The following MACF1 variants were observed in gnomAD, a reference collection of about 807,000 sequenced individuals.
MACF1 encodes the protein microtubule-actin cross-linking factor 1.
MACF1 carries 193 observed loss-of-function variants against 854.8 expected under a neutral mutation model. That is an observed-to-expected ratio of 0.23 (90% CI 0.20 to 0.25). MACF1 has a LOEUF of 0.25. MACF1 is among the 10% of genes least tolerant of loss of function. The probability of loss-of-function intolerance (pLI) is 1.00; values close to 1 mark genes in which losing one functional copy is unlikely to be tolerated. For synonymous variants in MACF1, 3,185 were observed against 3,226.7 expected (o/e 0.99, Z 0.44); for missense variants, 7,722 against 8,929.1 (o/e 0.86, Z 5.45).
rs1259609996 is a variant in MACF1 at position 39,163,357 on chromosome 1, A to AG, written c.221-67825_221-67824insG. ...GACTGTCTCAAAAAAAAAAAAAAAA[A>AG]AAAGAAAAGAAAAGAAAAAAAGAAA... is the stretch of plus-strand genomic sequence containing the variant. On this transcript the variant is annotated intron_variant, in intron 2 of 93. Coordinates refer to the MACF1 transcript ENST00000361689. Among the ~76,000 whole-genome samples, 39 of 149,496 alleles carry AG rather than the reference A, an allele frequency of 2.6e-4. No individual in the cohort carries two copies. The East Asian group carries it at 4.9e-3, about 19-fold the overall frequency.
In MACF1 at chr1:39,283,210, G is replaced by A. The variant is rs755706017; in HGVS notation, c.717G>A (p.Glu239=). The A allele has an allele frequency of 1.9e-6, 3 of 1,613,306 alleles. No individual in the cohort carries two copies. Among genetic ancestry groups the A allele is most frequent in the Admixed American group, 1.7e-5 (1 of 60,018 alleles). The change falls in exon 8 of 101, where the codon GAG becomes GAA. Residue 239 remains glutamate, a synonymous_variant. Coordinates refer to ENST00000564288, the MANE Select transcript of MACF1 (RefSeq NM_001394062.1). The surrounding 1 kb of genome is among the most constrained non-coding windows in gnomAD (Gnocchi z 4.5). The part of the protein sequence containing the change: ...HRYRPDLVDM[E]RVQIQSNREN... ...ACAGACCCGATCTAGTAGACATGGA[G>A]AGGGTGCAAATCCAAAGTAACCGAG...
chr1:39,241,915 G>A (rs981825806), intron 2 of MACF1, among the ~76,000 whole-genome samples: 2 of 152,126 alleles, frequency 1.3e-5, no homozygotes, highest in East Asian at 1.9e-4. Context: ...TAAACTGAGG[G>A]TATTAGAATT....
At position 39,282,150 on chromosome 1, in the gene MACF1, A is replaced by T; in HGVS notation, c.529-58A>T. 7.0e-6 allele frequency: 11 copies of T among 1,565,192 alleles called. 1 individual carries two copies. Among genetic ancestry groups the T allele is most frequent in the Non-Finnish European group, 9.6e-6 (11 of 1,148,364 alleles). ...AGAGCCATAATGTATGGAGAAGAGA[A>T]GGCTAAAAGACTTTGTCTTATTTAT... On this transcript the variant is annotated intron_variant, in intron 6 of 100. Coordinates refer to ENST00000564288, the MANE Select transcript of MACF1 (RefSeq NM_001394062.1).
chr1:39,123,040 G>A (rs1348771166), intron 2 of MACF1, among the ~76,000 whole-genome samples: 1 of 152,048 alleles, frequency 6.6e-6, no homozygotes, highest in Admixed American at 6.6e-5. Context: ...TCATTTGGGA[G>A]TAGATCTTTT....
chr1:39,258,004 C>A lies in MACF1; in HGVS notation c.504C>A (p.Ile168=). The change falls in exon 6 of 101, where the codon ATC becomes ATA. Residue 168 remains isoleucine (I), a synonymous_variant. Coordinates refer to ENST00000564288, the MANE Select transcript of MACF1 (RefSeq NM_001394062.1). Reference sequence around the variant, plus strand: ...ACCCCAAGTTGACCCTGGGTCTGATCTGGACCATTATTTTGCATTTCCAGG... The same window carrying A: ...ACCCCAAGTTGACCCTGGGTCTGATATGGACCATTATTTTGCATTTCCAGG... The part of the protein sequence containing the change: ...DGNPKLTLGL[I]WTIILHFQIS... 6.2e-7 allele frequency: 1 copy of A among 1,614,076 alleles called. No individual in the cohort carries two copies. Among genetic ancestry groups the A allele is most frequent in the Non-Finnish European group, 8.5e-7 (1 of 1,179,966 alleles).
chr1:39,292,930 G>A (rs1185968874), intron 17 of MACF1, 87 bp downstream of exon 17: 11 of 1,111,798 alleles, frequency 9.9e-6, no homozygotes, highest in Admixed American at 8.0e-5. Context: ...AAATCTCCTG[G>A]TTTGGCCCTG....
Position 39,334,439 on chromosome 1 carries a change from C to T in MACF1, c.7851C>T (p.Gly2617=), listed in dbSNP as rs1374119221. The change falls in exon 37 of 101, where the codon GGC becomes GGT. Residue 2617 remains glycine (G), a synonymous_variant. Transcript: ENST00000564288. ...TATTGTCTCCAGGAATGATGCATGG[C>T]ATTGTAGATCCCGAGAACTGCAGAA... ...EAVLSPGMMH[G]IVDPENCRIV... 1 of 1,614,024 alleles carries T rather than the reference C, an allele frequency of 6.2e-7. No homozygotes were observed. Among genetic ancestry groups the T allele is most frequent in the Admixed American group, 1.7e-5 (1 of 60,006 alleles).
rs531424784 is a variant in MACF1 at position 39,442,468 on chromosome 1, A to G, written c.19005A>G (p.Glu6335=). ...ALGQFQHALE[E]LMSWLTHTEE... ...GTCAGTTCCAGCATGCCTTAGAGGA[A>G]CTAATGAGTTGGCTGACTCATACCG... The change falls in exon 77 of 101, where the codon GAA becomes GAG. Residue 6335 remains glutamate, a synonymous_variant. Coordinates refer to ENST00000564288, the MANE Select transcript of MACF1 (RefSeq NM_001394062.1). The G allele has an allele frequency of 6.2e-7, 1 of 1,614,200 alleles. No individual in the cohort carries two copies. The highest frequency in any genetic ancestry group is 1.3e-5 in the African/African-American group (1 of 75,048).
intron 41 of MACF1, among the ~76,000 whole-genome samples, chr1:39,348,335 A>G (rs185044835): frequency 1.2e-3 from 186 of 152,350 alleles, no homozygotes; most frequent in Admixed American, 2.5e-3. Flanking sequence ...GCCCAGATTC[A>G]GGGTAGACTC....
rs113841202 is a variant in MACF1 at position 39,375,959 on chromosome 1, G to A, written c.13214-2502G>A. Among the ~76,000 whole-genome samples the A allele has an allele frequency of 4.2e-4, 64 of 152,224 alleles. No homozygotes were observed. The South Asian group carries it at 8.3e-3, about 20-fold the overall frequency. ...GAGAGCAAGTCGTGTTATATTTTTG[G>A]TCGTGTTATTTAATGTATTACACAT... is the stretch of plus-strand genomic sequence containing the variant. On this transcript the variant is annotated intron_variant, in intron 52 of 100. Transcript: ENST00000564288.
intron 2 of MACF1, among the ~76,000 whole-genome samples, chr1:39,131,331 A>T (rs1186239496): frequency 6.7e-6 from 1 of 148,480 alleles, no homozygotes; most frequent in African/African-American, 2.5e-5. Context: ...TGCCCAGCTC[A>T]GTTTTATTAT....
intron 2 of MACF1, among the ~76,000 whole-genome samples, chr1:39,122,038 A>T (rs1210048963): frequency 6.6e-6 from 1 of 152,128 alleles, no homozygotes; most frequent in African/African-American, 2.4e-5. Context: ...GAGTTACAAA[A>T]ATTGTTTACC....
chr1:39,290,494 G>A (rs1451835387), intron 15 of MACF1, among the ~76,000 whole-genome samples: 1 of 151,738 alleles, frequency 6.6e-6, no homozygotes, highest in African/African-American at 2.4e-5. Flanking sequence ...TTTTTGCTCA[G>A]GATAGCTTTG....
At chr1:39,451,547 G>C (rs2148679656) in intron 85 of MACF1, among the ~76,000 whole-genome samples, 1 of 152,164 alleles carries the variant, frequency 6.6e-6, no homozygotes, top group African/African-American at 2.4e-5. Flanking sequence ...ATGGAAATGA[G>C]TGATTTTTTT....
intron 2 of MACF1, chr1:39,154,244 A>G (rs1237733191): frequency 6.6e-6 from 1 of 152,234 alleles, no homozygotes; most frequent in Non-Finnish European, 1.5e-5. Flanking sequence ...GGCCCTGCTC[A>G]GCTTCCAAAA....
intron 61 of MACF1, among the ~76,000 whole-genome samples, chr1:39,426,680 C>T (rs1277432256): frequency 6.6e-6 from 1 of 151,986 alleles, no homozygotes; most frequent in East Asian, 1.9e-4. Context: ...TCATGTATCC[C>T]AGGAAAAGCC....
intron 6 of MACF1, among the ~76,000 whole-genome samples, chr1:39,270,606 G>A (rs927412593): frequency 6.6e-6 from 1 of 152,152 alleles, no homozygotes; most frequent in Non-Finnish European, 1.5e-5. Context: ...GTGATTGTGT[G>A]GGTGATTGAA....
At position 39,336,469 on chromosome 1, in the gene MACF1, C is replaced by A. The variant is rs1646812236; in HGVS notation, c.9881C>A (p.Pro3294His). The A allele has an allele frequency of 6.2e-7, 1 of 1,613,922 alleles. No homozygotes were observed. The highest frequency in any genetic ancestry group is 1.7e-5 in the Admixed American group (1 of 60,012). Residue 3294 changes from proline to histidine, a missense_variant, in exon 37 of 101, where the codon CCT becomes CAT. Physicochemically the swap from Pro to His is moderately conservative, Grantham distance 77. Around this residue, in one of 15 missense-constraint regions of MACF1, gnomAD observed 854 missense variants for 852.6 expected, o/e 1.00. Transcript: ENST00000564288. ...GGGCAACAGAATGCCATCATTAGTC[C>A]TACTGTTCTAGAGACCAGTGAAGAA... is the stretch of plus-strand genomic sequence containing the variant. ...NTGQQNAIIS[P>H]TVLETSEEKT...
intron 65 of MACF1, 137 bp downstream of exon 65, chr1:39,430,205 G>C (rs1557650520): frequency 4.5e-6 from 4 of 885,082 alleles, no homozygotes; most frequent in Non-Finnish European, 6.8e-6. Flanking sequence ...AGTAAGATTT[G>C]ACATAAAGAC....
Sources: gnomAD v4.1 joint callset for allele counts (sites outside exome capture counted in the v4.1 genomes callset) on GRCh38, gnomAD v4.1.1 for gene constraint, gnomAD v4.1.1 regional missense constraint, Gnocchi (gnomAD v3.1) non-coding constraint, MANE v1.5 for transcripts, NCBI Gene and HGNC (gene_info 2026-07-23, HGNC 2026-07-21) for gene names.